The following WDR11 variants were observed in gnomAD, a reference collection of about 807,000 sequenced individuals.
The protein encoded by WDR11 is WD repeat domain 11, also known as WD repeat-containing protein 11.
In WDR11, 83 loss-of-function variants were observed where a neutral mutation model predicts 151.2. That is an observed-to-expected ratio of 0.55 (90% CI 0.46 to 0.66). WDR11 has a LOEUF of 0.66. Among genes scored for constraint, WDR11 ranks in the 30% least tolerant of loss-of-function variants. The pLI, the probability that WDR11 is intolerant of heterozygous loss-of-function variation, is 0.00. For missense variants in WDR11, 1,301 were observed against 1,480.9 expected (o/e 0.88, Z 1.99); for synonymous variants, 484 against 533.1 (o/e 0.91, Z 1.27).
rs763220796 is a variant in WDR11, at chr10:120,904,786, T to C, written c.3168T>C (p.Asn1056=). 1.2e-6 allele frequency: 2 copies of C among 1,614,194 alleles called. No individual in the cohort carries two copies. The highest frequency in any genetic ancestry group is 2.2e-5 in the East Asian group (1 of 44,876). Residue 1056 remains asparagine (N), a synonymous_variant, in exon 25 of 29, where the codon AAT becomes AAC. Transcript: ENST00000263461. ...GCACCATTAAGTTGGTGGCAACGAA[T>C]ATGATTGCCAATGGCAAATTGGCAG... ...SQSTIKLVAT[N]MIANGKLAEG... is the part of the protein sequence containing the mutation.
chr10:120,904,508 G>A, intron 24 of WDR11, 138 bp from the exon 25 acceptor site: 1 of 1,093,522 alleles, frequency 9.1e-7, no homozygotes, highest in South Asian at 1.5e-5. Flanking sequence ...TCTGTTTAAT[G>A]TTTGTATTTG....
At chr10:120,890,098 T>G in intron 18 of WDR11, 89 bp downstream of exon 18, 1 of 883,852 alleles carries the variant, frequency 1.1e-6, no homozygotes, top group Non-Finnish European at 1.8e-6. Context: ...GATTTAGAAA[T>G]GAAAAGTACT....
chr10:120,881,130 T>A (rs537593138), intron 13 of WDR11, among the ~76,000 whole-genome samples: 1 of 152,334 alleles, frequency 6.6e-6, no homozygotes, highest in African/African-American at 2.4e-5. Context: ...TGAATCGTTA[T>A]TTACTTTCGG....
intron 6 of WDR11, 74 bp downstream of exon 6, chr10:120,865,286 A>G (rs1051123800): frequency 2.1e-6 from 3 of 1,444,172 alleles, no homozygotes; most frequent in Middle Eastern, 1.8e-4. Flanking sequence ...ATAATCTTGC[A>G]TAAGTCTTGT....
chr10:120,869,601 G>T (rs971651951), intron 9 of WDR11, among the ~76,000 whole-genome samples: 6 of 152,054 alleles, frequency 3.9e-5, no homozygotes, highest in African/African-American at 1.4e-4. Flanking sequence ...AAATAAAGAG[G>T]CTGATTTATA....
In WDR11 at chr10:120,905,863, G is replaced by C. The variant is rs368289212; in HGVS notation, c.3292-13G>C. ...CAGGATGTTTTTGTTGTTAACACAG[G>C]CGTCTTTCTCAGGTCCGTTTGAATC... On this transcript the variant is annotated splice_polypyrimidine_tract_variant and intron_variant, in intron 26 of 28. Transcript: ENST00000263461. The C allele has an allele frequency of 1.1e-5, 17 of 1,614,020 alleles. No homozygotes were observed. The highest frequency in any genetic ancestry group is 4.0e-5 in the African/African-American group (3 of 74,912).
At chr10:120,899,808 A>G (rs902024786) in intron 19 of WDR11, 2 of 577,972 alleles carry the variant, frequency 3.5e-6, no homozygotes, top group African/African-American at 1.9e-5. Flanking sequence ...TAAAAAATCA[A>G]AAAAGGGGGA....
chr10:120,897,638 G>C (rs1396623442), intron 19 of WDR11, among the ~76,000 whole-genome samples: 2 of 152,140 alleles, frequency 1.3e-5, no homozygotes, highest in African/African-American at 2.4e-5. Context: ...AGAACGTAGG[G>C]CATTCTCCAC....
chr10:120,892,492 C>CT (rs768134321), intron 19 of WDR11, among the ~76,000 whole-genome samples: 2 of 152,146 alleles, frequency 1.3e-5, no homozygotes, highest in Non-Finnish European at 2.9e-5. Flanking sequence ...AAAAAGACAT[C>CT]TGTGTGTTCA....
intron 9 of WDR11, among the ~76,000 whole-genome samples, chr10:120,867,481 T>C (rs1554932777): frequency 2.0e-5 from 3 of 152,248 alleles, no homozygotes; most frequent in Non-Finnish European, 4.4e-5. Flanking sequence ...AGCTATGCCA[T>C]GCCAACTCAG....
chr10:120,903,394 C>G (rs979079218), intron 23 of WDR11, among the ~76,000 whole-genome samples, 162 bp downstream of exon 23: 1 of 151,850 alleles, frequency 6.6e-6, no homozygotes, highest in Non-Finnish European at 1.5e-5. Flanking sequence ...CCTGTAGTCC[C>G]AGCTACTCAG....
chr10:120,860,168 C>T lies in WDR11; in HGVS notation c.412C>T (p.Pro138Ser). ...SRDLLLAIHP[P>S]NYIVLWNADT... is the part of the protein sequence containing the mutation. ...CGATTTACTGCTTGCTATCCACCCG[C>T]CAAATTACATTGTGCTCTGGAATGC... The change falls in exon 4 of 29, where the codon CCA becomes TCA. Residue 138 changes from proline to serine, a missense_variant. By Grantham distance (74) the Pro-to-Ser change is moderately conservative. Transcript: ENST00000263461. 1.2e-6 allele frequency: 2 copies of T among 1,614,150 alleles called. No homozygotes were observed. Among genetic ancestry groups the T allele is most frequent in the Non-Finnish European group, 1.7e-6 (2 of 1,180,018 alleles).
chr10:120,895,251 T>A (rs901191610), intron 19 of WDR11, among the ~76,000 whole-genome samples: 3 of 152,196 alleles, frequency 2.0e-5, no homozygotes, highest in African/African-American at 7.2e-5. Context: ...TGTGATATAA[T>A]ACCAACAACT....
At chr10:120,890,322 C>A (rs1156938254) in intron 18 of WDR11, among the ~76,000 whole-genome samples, 1 of 152,168 alleles carries the variant, frequency 6.6e-6, no homozygotes, top group East Asian at 1.9e-4. Flanking sequence ...AAGTGACTCT[C>A]CTGCCTCAGC....
In WDR11 at chr10:120,858,794, A is replaced by C. The variant is rs1695526084; in HGVS notation, c.350A>C (p.Gln117Pro). ...CEIQEHAKPI[Q>P]DVQWLWNQDA... ...ATCCAAGAGCATGCCAAGCCTATCC[A>C]GGGTGAGGAAAGTCTGCTCAGCTAA... Residue 117 changes from glutamine (Q) to proline (P), a missense_variant and splice_region_variant, in exon 3 of 29, where the codon CAG (glutamine) becomes CCG (proline). Physicochemically the swap from Gln to Pro is moderately conservative, Grantham distance 76 (BLOSUM62 -1). Transcript: ENST00000263461. 6.2e-7 allele frequency: 1 copy of C among 1,614,200 alleles called. No homozygotes were observed. The highest frequency in any genetic ancestry group is 1.1e-5 in the South Asian group (1 of 91,084).
chr10:120,869,134 G>A (rs1457982407), intron 9 of WDR11, among the ~76,000 whole-genome samples: 11 of 135,394 alleles, frequency 8.1e-5, no homozygotes, highest in South Asian at 2.3e-4. Context: ...TTTTTGAGAC[G>A]GAGTCTTGCT....
chr10:120,877,082 G>T (rs1335210090), intron 11 of WDR11, among the ~76,000 whole-genome samples: 1 of 152,194 alleles, frequency 6.6e-6, no homozygotes, highest in African/African-American at 2.4e-5. Flanking sequence ...AACACAGAAA[G>T]TTTTAATAGC....
chr10:120,851,764 C>T, intron 1 of WDR11: 1 of 572,864 alleles, frequency 1.7e-6, no homozygotes, highest in Non-Finnish European at 3.1e-6. Context: ...TGCACCTCGC[C>T]CTTTTGCCGT....
At position 120,863,248 on chromosome 10, in the gene WDR11, G is replaced by A. The variant is rs188403594; in HGVS notation, c.713+327G>A. On this transcript the variant is annotated intron_variant, in intron 5 of 28. Transcript: ENST00000263461. ...ATGCATTAAAAATTTGGGCACAAAA[G>A]CTGGATACTCATTTTAAATACATTT... Among the ~76,000 whole-genome samples the A allele has an allele frequency of 8.5e-5, 13 of 152,280 alleles. No individual in the cohort carries two copies. The East Asian group carries it at 2.5e-3, about 29-fold the overall frequency.
Sources: allele counts gnomAD v4.1 joint callset (sites outside exome capture counted in the v4.1 genomes callset), GRCh38; gene constraint gnomAD v4.1.1; transcripts MANE v1.5; gene names NCBI Gene and HGNC (gene_info 2026-07-23, HGNC 2026-07-21).